Variants in ODAD2 observed in about 807,000 individuals in gnomAD.
ODAD2 encodes outer dynein arm docking complex subunit 2.
ODAD2 carries 89 observed loss-of-function variants against 106.8 expected under a neutral mutation model. The observed-to-expected ratio is 0.83, with a 90% CI of 0.70 to 0.99. The LOEUF is 0.99. Ranked by LOEUF, ODAD2 falls within the 50% of genes least tolerant of loss-of-function variation. ODAD2 has a pLI of 0.00. For missense variants in ODAD2, 1,168 were observed against 1,238.5 expected (o/e 0.94, Z 0.85); for synonymous variants, 404 against 436.2 (o/e 0.93, Z 0.92).
intron 17 of ODAD2, among the ~76,000 whole-genome samples, chr10:27,892,743 G>A (rs923216613): frequency 6.6e-6 from 1 of 152,170 alleles, no homozygotes; most frequent in African/African-American, 2.4e-5. Context: ...CTTACACTGT[G>A]AATCTTTATT....
At chr10:27,863,985 C>T (rs1283716313) in intron 17 of ODAD2, among the ~76,000 whole-genome samples, 1 of 151,868 alleles carries the variant, frequency 6.6e-6, no homozygotes, top group South Asian at 2.1e-4. Context: ...TTGGAAAGCC[C>T]CTGAAGAGGC....
chr10:27,907,392 A>G (rs1843674674), intron 17 of ODAD2, among the ~76,000 whole-genome samples: 1 of 152,136 alleles, frequency 6.6e-6, no homozygotes, highest in Non-Finnish European at 1.5e-5. Context: ...ACTTGTCCTC[A>G]CTCTGATTTA....
chr10:27,882,229 G>GAA (rs1323672625), intron 17 of ODAD2, among the ~76,000 whole-genome samples: 1 of 149,258 alleles, frequency 6.7e-6, no homozygotes, highest in East Asian at 1.9e-4. Context: ...AAGAAAGAAA[G>GAA]AAAGAAATAT....
chr10:27,997,383 T>C (rs1850618690), intron 1 of ODAD2: 1 of 147,204 alleles, frequency 6.8e-6, no homozygotes, highest in Non-Finnish European at 1.5e-5. Flanking sequence ...TCTTTAATCT[T>C]AAGTATAACA....
chr10:27,953,488 A>G (rs7896951), intron 10 of ODAD2, among the ~76,000 whole-genome samples: 71,879 of 152,004 alleles, frequency 0.47, 17,994 homozygotes, highest in Middle Eastern at 0.63. Flanking sequence ...CAATGTGTAA[A>G]AATATTAGCT....
At chr10:27,964,544 G>T (rs531720708) in intron 9 of ODAD2, among the ~76,000 whole-genome samples, 40 of 152,294 alleles carry the variant, frequency 2.6e-4, no homozygotes, top group Non-Finnish European at 4.6e-4. Context: ...GAAGAATGCT[G>T]TCTTTCGGTA....
At chr10:27,998,537 G>C (rs893519973) in intron 1 of ODAD2, among the ~76,000 whole-genome samples, 1 of 151,996 alleles carries the variant, frequency 6.6e-6, no homozygotes, top group Non-Finnish European at 1.5e-5. Context: ...GGAGGTGATG[G>C]GGCCGAGGTA....
chr10:27,817,266 T>G (rs1191705202), intron 19 of ODAD2, among the ~76,000 whole-genome samples: 3 of 152,210 alleles, frequency 2.0e-5, no homozygotes, highest in Admixed American at 1.3e-4. Flanking sequence ...CTCACAACTT[T>G]TAACTCATGA....
rs1429378665 is a variant in ODAD2 at position 27,944,233 on chromosome 10, T to C, written c.1732A>G (p.Ile578Val). The C allele has an allele frequency of 3.1e-6, 5 of 1,612,014 alleles. No individual in the cohort carries two copies. In the South Asian group the frequency reaches 5.5e-5, roughly 18 times the overall value. Reference protein sequence around the residue: ...ARRVVRQHGGITKLVALLDCA... With the variant: ...ARRVVRQHGGVTKLVALLDCA... ...TCACGGCTACTCACCAGTTTGGTGA[T>C]ACCCCCGTGCTGCCTCACCACCCGC... Residue 578 changes from isoleucine (I) to valine (V), a missense_variant, in exon 12 of 20, where the codon ATC becomes GTC. Physicochemically the swap from Ile to Val is conservative, Grantham distance 29. Transcript: ENST00000305242.
chr10:27,923,758 G>T (rs1844957690), intron 16 of ODAD2, among the ~76,000 whole-genome samples: 1 of 151,912 alleles, frequency 6.6e-6, no homozygotes, highest in African/African-American at 2.4e-5. Context: ...GACCAGCCTG[G>T]ACAACAGAGC....
intron 6 of ODAD2, among the ~76,000 whole-genome samples, chr10:27,982,339 A>T (rs577432840): frequency 3.9e-5 from 6 of 152,182 alleles, no homozygotes; most frequent in South Asian, 4.1e-4. Context: ...TCATTTTTTT[A>T]AAACTTAAAG....
At chr10:27,839,950 C>T (rs1465093055) in intron 19 of ODAD2, among the ~76,000 whole-genome samples, 1 of 152,138 alleles carries the variant, frequency 6.6e-6, no homozygotes, top group African/African-American at 2.4e-5. Context: ...TCCATACCAG[C>T]AGTTGGCAGT....
intron 17 of ODAD2, among the ~76,000 whole-genome samples, chr10:27,873,881 G>A (rs1198695715): frequency 6.6e-6 from 1 of 152,160 alleles, no homozygotes; most frequent in Non-Finnish European, 1.5e-5. Context: ...TCCACTTGGT[G>A]CAGAGCTGAG....
At chr10:27,885,531 A>AATAT (rs1842039219) in intron 17 of ODAD2, among the ~76,000 whole-genome samples, 1 of 14,336 alleles carries the variant, frequency 7.0e-5, no homozygotes, top group African/African-American at 2.8e-4. Context: ...AAAAAAAAAA[A>AATAT]AAATATATAT....
At chr10:27,890,417 T>C (rs1296700148) in intron 17 of ODAD2, among the ~76,000 whole-genome samples, 29 of 152,222 alleles carry the variant, frequency 1.9e-4, no homozygotes, top group Admixed American at 1.9e-3. Flanking sequence ...TAACCAACTG[T>C]GCTTTCAAAA....
At chr10:27,822,916 C>T (rs1836723803) in intron 19 of ODAD2, among the ~76,000 whole-genome samples, 2 of 152,198 alleles carry the variant, frequency 1.3e-5, no homozygotes, top group Non-Finnish European at 2.9e-5. Flanking sequence ...TCTTCACGAA[C>T]TTTCCACTAG....
chr10:27,993,928 G>A (rs1458554307), intron 2 of ODAD2, among the ~76,000 whole-genome samples: 2 of 150,818 alleles, frequency 1.3e-5, no homozygotes, highest in Non-Finnish European at 2.9e-5. Flanking sequence ...AAAATAGAAT[G>A]CCTAAGGTGC....
chr10:27,974,178 C>G (rs190849940), intron 7 of ODAD2, among the ~76,000 whole-genome samples: 1 of 151,936 alleles, frequency 6.6e-6, no homozygotes, highest in Non-Finnish European at 1.5e-5. Flanking sequence ...GGATATTAAA[C>G]CTTTGTCAGA....
chr10:27,905,100 A>G, intron 17 of ODAD2: 1 of 211,384 alleles, frequency 4.7e-6, no homozygotes, highest in East Asian at 1.1e-4. Context: ...GCTGGATATG[A>G]GGACATGCAA....
Sources: gnomAD v4.1 joint callset for allele counts (sites outside exome capture counted in the v4.1 genomes callset) on GRCh38, gnomAD v4.1.1 for gene constraint, MANE v1.5 for transcripts, NCBI Gene and HGNC (gene_info 2026-07-23, HGNC 2026-07-21) for gene names.